The following JAZF1 variants were observed in gnomAD, a reference collection of about 807,000 sequenced individuals.
JAZF1 encodes the protein JAZF zinc finger 1.
Under a neutral mutation model 26.4 loss-of-function variants are expected in JAZF1, and 8 were observed. The ratio of observed to expected loss-of-function variants is 0.30; its 90% CI spans 0.18 to 0.55. The LOEUF is 0.55. JAZF1 is among the 20% of genes least tolerant of loss of function. The pLI is 0.94. For synonymous variants in JAZF1, 126 were observed against 122.3 expected (o/e 1.03, Z -0.20); for missense variants, 199 against 322.0 (o/e 0.62, Z 2.92).
At chr7:27,919,192 T>C (rs1350046938) in intron 2 of JAZF1, among the ~76,000 whole-genome samples, 1 of 152,212 alleles carries the variant, frequency 6.6e-6, no homozygotes, top group Non-Finnish European at 1.5e-5. Context: ...TTTTGAAGAA[T>C]TACAATTTTT....
At chr7:28,048,855 C>T (rs1179169788) in intron 1 of JAZF1, among the ~76,000 whole-genome samples, 1 of 152,168 alleles carries the variant, frequency 6.6e-6, no homozygotes, top group Admixed American at 6.6e-5. Flanking sequence ...CACGTTACAG[C>T]ATTGATGACT....
In JAZF1 at chr7:27,832,620, A is replaced by T. The variant is rs1026992920; in HGVS notation, c.*180T>A. 8 of 462,604 alleles carry T rather than the reference A, an allele frequency of 1.7e-5. No homozygotes were observed. The highest frequency in any genetic ancestry group is 3.9e-5 in the African/African-American group (2 of 50,666). The allele number at this position is 462,604 out of a possible 1,614,324, so 28.7% of individuals were successfully genotyped here. A position where few individuals can be genotyped will look rare whatever the true frequency, so the allele number is the denominator to read the frequency against. On this transcript the variant is annotated 3_prime_UTR_variant, in exon 5 of 5. Coordinates refer to ENST00000283928, the MANE Select transcript of JAZF1 (RefSeq NM_175061.4). ...ATGGGTATGATGATTACATGTGCAA[A>T]TGTACAAAATCATTAACTCTACAAA...
chr7:28,019,505 G>A (rs985200053), intron 1 of JAZF1, among the ~76,000 whole-genome samples: 3 of 152,078 alleles, frequency 2.0e-5, no homozygotes, highest in Non-Finnish European at 4.4e-5. Flanking sequence ...AGATGGGACA[G>A]AACTCACCCT....
intron 1 of JAZF1, among the ~76,000 whole-genome samples, chr7:28,108,447 A>G (rs185761381): frequency 7.3e-5 from 11 of 151,630 alleles, no homozygotes; most frequent in African/African-American, 2.4e-4. Context: ...AATCAAAACA[A>G]CTCATGTTGT....
At chr7:27,848,587 A>T (rs758642149) in intron 3 of JAZF1, among the ~76,000 whole-genome samples, 1 of 152,206 alleles carries the variant, frequency 6.6e-6, no homozygotes, top group Non-Finnish European at 1.5e-5. Context: ...GTGCGACAGT[A>T]GGGTGGAGAG....
chr7:28,169,602 T>C (rs1242161496), intron 1 of JAZF1, among the ~76,000 whole-genome samples: 1 of 152,210 alleles, frequency 6.6e-6, no homozygotes, highest in Non-Finnish European at 1.5e-5. Context: ...TAGAAAAAGT[T>C]AACTGCAAAC....
intron 2 of JAZF1, among the ~76,000 whole-genome samples, chr7:27,964,226 A>G (rs1015205686): frequency 6.6e-6 from 1 of 152,172 alleles, no homozygotes; most frequent in African/African-American, 2.4e-5. Flanking sequence ...CTTCTGAGAA[A>G]AGGTTCTATG....
chr7:28,117,244 A>T (rs1784761363), intron 1 of JAZF1, among the ~76,000 whole-genome samples: 1 of 151,568 alleles, frequency 6.6e-6, no homozygotes, highest in Non-Finnish European at 1.5e-5. Context: ...CAAATTTATC[A>T]TTTTTTTTAA....
chr7:28,121,657 G>C (rs150580635), intron 1 of JAZF1, among the ~76,000 whole-genome samples: 1 of 152,140 alleles, frequency 6.6e-6, no homozygotes, highest in Non-Finnish European at 1.5e-5. Flanking sequence ...TAACAGAGGC[G>C]TAGTTGCATA....
intron 1 of JAZF1, among the ~76,000 whole-genome samples, chr7:28,162,759 T>C (rs968821599): frequency 1.3e-5 from 2 of 152,368 alleles, no homozygotes; most frequent in Admixed American, 6.5e-5. Flanking sequence ...AAACGTCTGA[T>C]GAAAGGTAAA....
At chr7:28,158,957 C>G (rs117643202) in intron 1 of JAZF1, among the ~76,000 whole-genome samples, 1 of 152,298 alleles carries the variant, frequency 6.6e-6, no homozygotes, top group Non-Finnish European at 1.5e-5. Flanking sequence ...GTCAGAACAT[C>G]CTATGTGCCA....
intron 1 of JAZF1, among the ~76,000 whole-genome samples, chr7:27,998,822 T>C (rs544403998): frequency 1.3e-5 from 2 of 152,330 alleles, no homozygotes; most frequent in South Asian, 2.1e-4. Context: ...CAATGTTCCA[T>C]AGCCTAGATC....
chr7:28,050,646 T>C (rs1366291744), intron 1 of JAZF1, among the ~76,000 whole-genome samples: 1 of 152,212 alleles, frequency 6.6e-6, no homozygotes, highest in Non-Finnish European at 1.5e-5. Flanking sequence ...AGATTTTCTT[T>C]GTGGCTTAGT....
chr7:28,000,030 G>GT (rs1422381166), intron 1 of JAZF1, among the ~76,000 whole-genome samples: 2 of 152,212 alleles, frequency 1.3e-5, no homozygotes, highest in Admixed American at 1.3e-4. Context: ...TTTGAAGGGA[G>GT]TGAGCGTAGC....
intron 2 of JAZF1, among the ~76,000 whole-genome samples, chr7:27,896,428 AGAT>A (rs1178483278): frequency 6.6e-6 from 1 of 152,240 alleles, no homozygotes; most frequent in Non-Finnish European, 1.5e-5. Flanking sequence ...GATAGCGTTC[AGAT>A]GATAAAACCA....
At chr7:27,888,779 A>G (rs535298211) in intron 3 of JAZF1, among the ~76,000 whole-genome samples, 1 of 152,220 alleles carries the variant, frequency 6.6e-6, no homozygotes, top group Admixed American at 6.5e-5. Flanking sequence ...AAACAAGAAA[A>G]CCTAAAAATT....
intron 1 of JAZF1, among the ~76,000 whole-genome samples, chr7:28,051,154 A>AAAC (rs1783608798): frequency 6.7e-6 from 1 of 150,048 alleles, no homozygotes; most frequent in Non-Finnish European, 1.5e-5. Flanking sequence ...AAAAAAAAAA[A>AAAC]AACAAAGTCT....
chr7:27,912,658 C>T (rs554052471), intron 2 of JAZF1, among the ~76,000 whole-genome samples: 1 of 152,252 alleles, frequency 6.6e-6, no homozygotes, highest in African/African-American at 2.4e-5. Context: ...ATTTAGAGTT[C>T]TGAAAAGCCA....
chr7:28,152,128 T>C (rs183207799), intron 1 of JAZF1, among the ~76,000 whole-genome samples: 2 of 152,332 alleles, frequency 1.3e-5, no homozygotes, highest in Non-Finnish European at 1.5e-5. Flanking sequence ...GCTAGGTCTG[T>C]TGATGAATCA....
Sources: gnomAD v4.1 joint callset for allele counts (sites outside exome capture counted in the v4.1 genomes callset) on GRCh38, gnomAD v4.1.1 for gene constraint, MANE v1.5 for transcripts, NCBI Gene and HGNC (gene_info 2026-07-23, HGNC 2026-07-21) for gene names.